The following SOX6 variants were observed in gnomAD, a reference collection of about 807,000 sequenced individuals.
SOX6 encodes SRY-box transcription factor 6.
A neutral mutation model predicts 97.8 loss-of-function variants in SOX6; 11 were observed. The ratio of observed to expected loss-of-function variants is 0.11; its 90% CI spans 0.07 to 0.19. The LOEUF (loss-of-function observed/expected upper bound fraction) is 0.19. SOX6 is among the 10% of genes least tolerant of loss of function. The pLI, the probability that SOX6 is intolerant of heterozygous loss-of-function variation, is 1.00. For synonymous variants in SOX6, 360 were observed against 371.4 expected, an observed-to-expected ratio of 0.97 and a Z score of 0.35; for missense variants, 810 against 1,039.5, an observed-to-expected ratio of 0.78 and a Z score of 3.04.
At chr11:16,085,221 C>A (rs190545086) in intron 9 of SOX6, among the ~76,000 whole-genome samples, 86 of 152,180 alleles carry the variant, frequency 5.7e-4, no homozygotes, top group Non-Finnish European at 1.1e-3. Flanking sequence ...TCTTTGTGAG[C>A]TAAGGAGCTC....
intron 1 of SOX6, among the ~76,000 whole-genome samples, chr11:16,468,575 T>C (rs1441431118): frequency 6.6e-6 from 1 of 152,178 alleles, no homozygotes; most frequent in Admixed American, 6.5e-5. Context: ...ATAAGTCAGC[T>C]TCTTTGATCG....
At chr11:16,318,018 A>T (rs1855801189) in intron 3 of SOX6, 1 of 433,146 alleles carries the variant, frequency 2.3e-6, no homozygotes, top group Non-Finnish European at 4.6e-6. Flanking sequence ...ATGTTAGGAG[A>T]TAAATAATAT....
chr11:16,154,038 A>T (rs1403872366), intron 6 of SOX6, among the ~76,000 whole-genome samples: 1 of 152,138 alleles, frequency 6.6e-6, no homozygotes, highest in Non-Finnish European at 1.5e-5. Context: ...ATGGCAATTT[A>T]TTCCTCCCAG....
At chr11:16,183,826 C>T in intron 6 of SOX6, 60 bp downstream of exon 6, 3 of 1,523,838 alleles carry the variant, frequency 2.0e-6, no homozygotes, top group South Asian at 1.1e-5. Flanking sequence ...GTTTTAAATT[C>T]CATTTTCAAG....
intron 9 of SOX6, among the ~76,000 whole-genome samples, chr11:16,095,463 C>G (rs1178928537): frequency 1.3e-5 from 2 of 151,722 alleles, no homozygotes; most frequent in Non-Finnish European, 1.5e-5. Flanking sequence ...AGGCACCCAC[C>G]CCTACTTCAT....
chr11:16,243,478 G>GT (rs1212095524), intron 3 of SOX6, among the ~76,000 whole-genome samples: 1 of 151,706 alleles, frequency 6.6e-6, no homozygotes, highest in Non-Finnish European at 1.5e-5. Context: ...CAAGACTATT[G>GT]TGTGTCAAGC....
intron 3 of SOX6, among the ~76,000 whole-genome samples, chr11:16,708,167 A>G (rs188494562): frequency 6.6e-6 from 1 of 152,336 alleles, no homozygotes; most frequent in East Asian, 1.9e-4. Context: ...TTATGCCAAT[A>G]GAAGTTATAC....
chr11:16,077,468 C>G (rs1040577270), intron 9 of SOX6, among the ~76,000 whole-genome samples: 2 of 152,018 alleles, frequency 1.3e-5, no homozygotes, highest in South Asian at 2.1e-4. Flanking sequence ...GGCATAAACC[C>G]AAATGAATAT....
chr11:16,014,906 G>T, intron 13 of SOX6, 36 bp downstream of exon 13: 1 of 1,570,660 alleles, frequency 6.4e-7, no homozygotes, highest in Non-Finnish European at 8.8e-7. Flanking sequence ...GGAAACACAT[G>T]GAGCAGCAGA....
intron 3 of SOX6, among the ~76,000 whole-genome samples, chr11:16,620,866 T>G (rs924840376): frequency 3.3e-5 from 5 of 152,168 alleles, no homozygotes; most frequent in Non-Finnish European, 5.9e-5. Context: ...ATAATTTTAT[T>G]TGAGCCACTA....
chr11:16,321,277 A>C (rs1049693213), intron 2 of SOX6, among the ~76,000 whole-genome samples: 1 of 151,986 alleles, frequency 6.6e-6, no homozygotes, highest in Non-Finnish European at 1.5e-5. Context: ...AAAAAAAAAA[A>C]AACCCTGACT....
At chr11:16,084,127 T>C (rs1042301903) in intron 9 of SOX6, among the ~76,000 whole-genome samples, 3 of 152,106 alleles carry the variant, frequency 2.0e-5, no homozygotes, top group Non-Finnish European at 4.4e-5. Flanking sequence ...GGAACAGTCA[T>C]CAGGCATAGA....
At chr11:16,048,971 T>G (rs542718091) in intron 11 of SOX6, among the ~76,000 whole-genome samples, 1 of 152,306 alleles carries the variant, frequency 6.6e-6, no homozygotes, top group East Asian at 1.9e-4. Flanking sequence ...GTATTGATAA[T>G]CATTCATTCT....
chr11:15,980,459 GCTCT>G (rs747741825), intron 15 of SOX6, among the ~76,000 whole-genome samples: 29 of 151,846 alleles, frequency 1.9e-4, no homozygotes, highest in Admixed American at 5.9e-4. Flanking sequence ...CGCTGATCTT[GCTCT>G]CTTTTATCAT....
chr11:16,047,170 A>G (rs1290207543), intron 11 of SOX6, among the ~76,000 whole-genome samples: 1 of 152,158 alleles, frequency 6.6e-6, no homozygotes, highest in Non-Finnish European at 1.5e-5. Flanking sequence ...GAAAAAATAA[A>G]AAAATCTGTG....
chr11:16,714,854 G>C (rs1364640296), exon 3 of SOX6: 4 of 152,162 alleles, frequency 2.6e-5, no homozygotes, highest in Non-Finnish European at 5.9e-5. Context: ...GACTTCTGTA[G>C]ATTTCAAGGC....
intron 12 of SOX6, among the ~76,000 whole-genome samples, chr11:16,024,525 T>C (rs1207104320): frequency 6.6e-6 from 1 of 151,252 alleles, no homozygotes; most frequent in East Asian, 1.9e-4. Context: ...TATATATTTA[T>C]CTATGATTCT....
Position 15,980,141 on chromosome 11 carries a change from G to A in SOX6, c.2183+6063C>T, listed in dbSNP as rs77909981. Among the ~76,000 whole-genome samples the A allele has an allele frequency of 3.6e-3, 547 of 152,160 alleles. 3 individuals are homozygous for A. Among genetic ancestry groups the A allele is most frequent in the African/African-American group, 0.012 (492 of 41,540 alleles). On this transcript the variant is annotated intron_variant, in intron 15 of 15. Coordinates refer to ENST00000683767, the MANE Select transcript of SOX6 (RefSeq NM_001367873.1). ...TGTATGAAAATAACCATCTTTAGAC[G>A]CTTGAATGGTTATTCTCATAAATAA...
intron 9 of SOX6, among the ~76,000 whole-genome samples, chr11:16,075,301 A>G (rs1225016572): frequency 1.3e-5 from 2 of 152,232 alleles, no homozygotes; most frequent in Admixed American, 1.3e-4. Flanking sequence ...CATGGTGGAC[A>G]GCAAAGGAGG....
Sources: allele counts gnomAD v4.1 joint callset (sites outside exome capture counted in the v4.1 genomes callset), GRCh38; gene constraint gnomAD v4.1.1; transcripts MANE v1.5; gene names NCBI Gene and HGNC (gene_info 2026-07-23, HGNC 2026-07-21).